The following FNBP1 variants were observed in gnomAD, a reference collection of about 807,000 sequenced individuals.
The protein encoded by FNBP1 is formin-binding protein 1.
A neutral mutation model predicts 90.6 loss-of-function variants in FNBP1; 26 were observed. The ratio of observed to expected loss-of-function variants is 0.29; its 90% CI spans 0.21 to 0.40. FNBP1 has a LOEUF of 0.40. Among genes scored for constraint, FNBP1 ranks in the 10% least tolerant of loss-of-function variants. The pLI is 1.00. For synonymous variants in FNBP1, 260 were observed against 265.2 expected, an observed-to-expected ratio of 0.98 and a Z score of 0.19; for missense variants, 635 against 768.0, an observed-to-expected ratio of 0.83 and a Z score of 2.05.
intron 11 of FNBP1, chr9:129,910,050 C>T (rs2038956351): frequency 4.8e-6 from 2 of 414,820 alleles, no homozygotes; most frequent in East Asian, 7.5e-5. Flanking sequence ...GAAGCAGCTG[C>T]TCTCTTTACA....
chr9:130,053,820 C>A, the FNBP1 span: 1 of 1,026,066 alleles, frequency 9.7e-7, no homozygotes, highest in Non-Finnish European at 1.4e-6. Flanking sequence ...AAAACGACCA[C>A]AGGGTCAGCG....
chr9:129,994,756 A>G (rs1419935461), intron 2 of FNBP1, 87 bp downstream of exon 2: 2 of 541,762 alleles, frequency 3.7e-6, no homozygotes, highest in Middle Eastern at 5.0e-4. Flanking sequence ...AATATTTAAA[A>G]TATACATTTA....
intron 2 of FNBP1, among the ~76,000 whole-genome samples, chr9:129,985,782 G>A (rs544830482): frequency 1.3e-5 from 2 of 152,014 alleles, no homozygotes; most frequent in East Asian, 3.9e-4. Flanking sequence ...GACCAACATG[G>A]TGAAACCCCG....
At chr9:129,956,704 A>C (rs1025799460) in intron 6 of FNBP1, among the ~76,000 whole-genome samples, 4 of 152,324 alleles carry the variant, frequency 2.6e-5, no homozygotes, top group Non-Finnish European at 5.9e-5. Context: ...AAGCTCTTCC[A>C]GATGGCCCTG....
In FNBP1 at chr9:130,021,219, T is replaced by C. The variant is rs552854800; in HGVS notation, c.24+21733A>G. On this transcript the variant is annotated intron_variant, in intron 1 of 16. Coordinates refer to ENST00000446176, the MANE Select transcript of FNBP1 (RefSeq NM_015033.3). Reference sequence around the variant, plus strand: ...CAGTTGTCAAGCCATTTCTTATCTATTTTTTGTGGCACCTAAATCAGTGCC... The same window carrying C: ...CAGTTGTCAAGCCATTTCTTATCTACTTTTTGTGGCACCTAAATCAGTGCC... 6.1e-4 allele frequency among the ~76,000 whole-genome samples: 93 copies of C among 152,308 alleles called. 1 individual carries two copies. In the South Asian group the frequency reaches 0.018, roughly 30 times the overall value.
intron 1 of FNBP1, among the ~76,000 whole-genome samples, chr9:130,030,225 A>T (rs1044147035): frequency 6.6e-6 from 1 of 152,104 alleles, no homozygotes; most frequent in East Asian, 1.9e-4. Flanking sequence ...ACTTGAGGTC[A>T]GGGGTTCAAG....
chr9:129,919,871 C>G (rs978613484), intron 10 of FNBP1, among the ~76,000 whole-genome samples: 3 of 152,184 alleles, frequency 2.0e-5, no homozygotes, highest in African/African-American at 7.2e-5. Context: ...AAGGGCTGTA[C>G]CATGTTGGTC....
At chr9:130,026,390 A>G (rs2058343366) in intron 1 of FNBP1, among the ~76,000 whole-genome samples, 1 of 152,160 alleles carries the variant, frequency 6.6e-6, no homozygotes, top group African/African-American at 2.4e-5. Flanking sequence ...GCTACCTGGG[A>G]GGCTGAGGCA....
chr9:130,002,931 T>C (rs1283012239), intron 1 of FNBP1, among the ~76,000 whole-genome samples: 3 of 152,180 alleles, frequency 2.0e-5, no homozygotes, highest in Non-Finnish European at 2.9e-5. Context: ...ACCAAAGGTG[T>C]GTGCCAGGTG....
At chr9:129,892,085 C>T (rs984056203) in intron 16 of FNBP1, among the ~76,000 whole-genome samples, 6 of 152,080 alleles carry the variant, frequency 3.9e-5, no homozygotes, top group Non-Finnish European at 5.9e-5. Flanking sequence ...AGAGGCTTCG[C>T]GGCTTTCCGG....
chr9:129,952,549 G>A (rs947921920), intron 6 of FNBP1, among the ~76,000 whole-genome samples: 7 of 152,080 alleles, frequency 4.6e-5, no homozygotes, highest in Non-Finnish European at 1.0e-4. Flanking sequence ...ATTTGCAAAA[G>A]ACACATGTAA....
At chr9:129,939,586 A>G (rs1359399124) in intron 6 of FNBP1, among the ~76,000 whole-genome samples, 2 of 152,210 alleles carry the variant, frequency 1.3e-5, no homozygotes, top group East Asian at 3.9e-4. Flanking sequence ...CAAGCTGTGG[A>G]GTGGGGGAAG....
rs905512298 is a variant in FNBP1, at chr9:130,031,236, G to A, written c.24+11716C>T. Among the ~76,000 whole-genome samples the A allele has an allele frequency of 4.6e-5, 7 of 152,202 alleles. No homozygotes were observed. The highest frequency in any genetic ancestry group is 6.4e-3 in the Middle Eastern group (2 of 314). ...ACTCCAGTAATCCAGTCAGCCAATC[G>A]GCCCAGCGTGGCCTGAAGCTACCGA... On this transcript the variant is annotated intron_variant, in intron 1 of 16. Transcript: ENST00000446176. The surrounding 1 kb of genome is among the most constrained non-coding windows in gnomAD (Gnocchi z 4.2).
At position 129,900,368 on chromosome 9, in the gene FNBP1, A is replaced by G; in HGVS notation, c.1550+58T>C. On this transcript the variant is annotated intron_variant, in intron 14 of 16. Coordinates refer to ENST00000446176, the MANE Select transcript of FNBP1 (RefSeq NM_015033.3). This position sits in a 1 kb window ranked among gnomAD's most constrained non-coding sequence, Gnocchi z 4.1. ...TCATTCCAGATTCCAAAATTTAGAA[A>G]TAAATACAAAGCCAACAGGCTCCCT... The G allele has an allele frequency of 6.9e-7, 1 of 1,452,174 alleles. No homozygotes were observed. Among genetic ancestry groups the G allele is most frequent in the South Asian group, 1.5e-5 (1 of 66,090 alleles). 90.0% of individuals were successfully genotyped at this position (1,452,174 alleles called of 1,614,324 possible).
At chr9:129,922,923 G>A (rs1341580452) in intron 10 of FNBP1, among the ~76,000 whole-genome samples, 1 of 151,986 alleles carries the variant, frequency 6.6e-6, no homozygotes, top group Non-Finnish European at 1.5e-5. Context: ...GTTTGACTAT[G>A]TTGTACTGGC....
At chr9:130,002,424 A>G (rs2055001106) in intron 1 of FNBP1, among the ~76,000 whole-genome samples, 1 of 152,088 alleles carries the variant, frequency 6.6e-6, no homozygotes, top group Non-Finnish European at 1.5e-5. Flanking sequence ...ATCCTTCATG[A>G]ATACCTTGGT....
chr9:129,960,476 T>C (rs2047646562), intron 4 of FNBP1, among the ~76,000 whole-genome samples: 1 of 151,948 alleles, frequency 6.6e-6, no homozygotes, highest in Admixed American at 6.6e-5. Flanking sequence ...GTGTTTTGTG[T>C]GCATGGCTGT....
chr9:129,958,575 G>A (rs1350510980), intron 4 of FNBP1, 22 bp from the exon 5 acceptor site: 6 of 1,574,840 alleles, frequency 3.8e-6, no homozygotes, highest in African/African-American at 1.3e-5. Flanking sequence ...AAAACACACT[G>A]GTGATTAGTA....
At chr9:129,918,823 G>A (rs1050343836) in intron 10 of FNBP1, among the ~76,000 whole-genome samples, 7 of 151,258 alleles carry the variant, frequency 4.6e-5, no homozygotes, top group Admixed American at 1.3e-4. Flanking sequence ...CATCTCAGAC[G>A]GCAGTCACAG....
Sources: gnomAD v4.1 joint callset for allele counts (sites outside exome capture counted in the v4.1 genomes callset) on GRCh38, gnomAD v4.1.1 for gene constraint, Gnocchi (gnomAD v3.1) non-coding constraint, MANE v1.5 for transcripts, NCBI Gene and HGNC (gene_info 2026-07-23, HGNC 2026-07-21) for gene names.